The following APBB2 variants were observed in gnomAD, a reference collection of about 807,000 sequenced individuals.
APBB2 encodes Fe65-like 1.
Under a neutral mutation model 82.5 loss-of-function variants are expected in APBB2, and 38 were observed. That is an observed-to-expected ratio of 0.46 (90% CI 0.36 to 0.60). The LOEUF is 0.60. Among genes scored for constraint, APBB2 ranks in the 20% least tolerant of loss-of-function variants. The pLI is 0.00. For missense variants in APBB2, 772 were observed against 972.3 expected (o/e 0.79, Z 2.74); for synonymous variants, 341 against 368.2 (o/e 0.93, Z 0.85).
chr4:40,935,707 A>G (rs1785220500), intron 7 of APBB2: 1 of 152,266 alleles, frequency 6.6e-6, no homozygotes, highest in East Asian at 1.9e-4. Flanking sequence ...TTAACCTAAC[A>G]AAAAACAACT....
chr4:40,923,951 C>T (rs1240034066), intron 10 of APBB2, among the ~76,000 whole-genome samples: 47 of 152,190 alleles, frequency 3.1e-4, no homozygotes, highest in Non-Finnish European at 2.9e-5. Flanking sequence ...GTTTTAGAAA[C>T]ACAAAAGCTG....
At chr4:41,060,360 C>A (rs1018360056) in intron 4 of APBB2, among the ~76,000 whole-genome samples, 2 of 152,140 alleles carry the variant, frequency 1.3e-5, no homozygotes, top group Non-Finnish European at 2.9e-5. Context: ...CAATGCTGAG[C>A]TAAGTTTCTA....
intron 10 of APBB2, among the ~76,000 whole-genome samples, chr4:40,917,107 T>G (rs1418968342): frequency 1.3e-5 from 2 of 152,180 alleles, no homozygotes; most frequent in Non-Finnish European, 2.9e-5. Context: ...GTGGGACAAC[T>G]GGGACTGTCT....
chr4:40,831,585 G>C (rs1231231436), intron 12 of APBB2, among the ~76,000 whole-genome samples: 2 of 152,174 alleles, frequency 1.3e-5, no homozygotes, highest in Admixed American at 6.5e-5. Flanking sequence ...TAATGACACA[G>C]ACAGTGGCGC....
At chr4:41,194,089 G>C in intron 1 of APBB2, 1 of 150,860 alleles carries the variant, frequency 6.6e-6, no homozygotes, top group African/African-American at 2.5e-5. Flanking sequence ...CCCGAACTTT[G>C]AGCCCAATCT....
At chr4:41,000,538 G>A (rs930557879) in intron 6 of APBB2, among the ~76,000 whole-genome samples, 1 of 152,154 alleles carries the variant, frequency 6.6e-6, no homozygotes, top group Non-Finnish European at 1.5e-5. Context: ...CAGGATGTCT[G>A]ACCCTAAACC....
At chr4:40,858,632 A>T (rs1038765475) in intron 12 of APBB2, among the ~76,000 whole-genome samples, 6 of 152,178 alleles carry the variant, frequency 3.9e-5, no homozygotes, top group Non-Finnish European at 8.8e-5. Flanking sequence ...GGTAAAACAC[A>T]CCACAGGTGT....
chr4:41,123,583 G>A (rs1329368783), intron 2 of APBB2, among the ~76,000 whole-genome samples: 1 of 152,156 alleles, frequency 6.6e-6, no homozygotes, highest in Non-Finnish European at 1.5e-5. Flanking sequence ...TGTAATCCCA[G>A]CACTTTGGGA....
At chr4:40,959,879 C>T (rs1262523130) in intron 6 of APBB2, among the ~76,000 whole-genome samples, 2 of 152,130 alleles carry the variant, frequency 1.3e-5, no homozygotes, top group Non-Finnish European at 2.9e-5. Context: ...AATCTTGCCA[C>T]AGATGCAGAG....
At chr4:41,154,966 A>G (rs748701778) in intron 1 of APBB2, among the ~76,000 whole-genome samples, 5 of 152,192 alleles carry the variant, frequency 3.3e-5, no homozygotes, top group Admixed American at 6.5e-5. Flanking sequence ...TACGCAGCTG[A>G]CTGGCAGAGG....
chr4:41,040,930 G>C (rs1193853346), intron 4 of APBB2, among the ~76,000 whole-genome samples: 1 of 152,064 alleles, frequency 6.6e-6, no homozygotes, highest in Non-Finnish European at 1.5e-5. Flanking sequence ...GCCCAGGCTG[G>C]AGTGCAGTGT....
chr4:40,865,868 C>T (rs927786263), intron 12 of APBB2, among the ~76,000 whole-genome samples: 5 of 152,190 alleles, frequency 3.3e-5, no homozygotes, highest in African/African-American at 7.2e-5. Flanking sequence ...CCGATTAAAA[C>T]CACAATGAAT....
intron 6 of APBB2, among the ~76,000 whole-genome samples, chr4:40,983,012 G>A (rs1398714719): frequency 2.0e-5 from 3 of 152,136 alleles, no homozygotes; most frequent in African/African-American, 4.8e-5. Context: ...GCAGACATGG[G>A]GGACCCATTA....
In APBB2 at chr4:40,825,936, C is replaced by G. The variant is rs751837432; in HGVS notation, c.1767G>C (p.Gln589His). ...TGCCCAAGTACTGCACGTGGAACTT[C>G]TGGACCAGCTCAGTCTTTGGTGTTG... is the stretch of plus-strand genomic sequence containing the variant. ...DFPTPKTELV[Q>H]KFHVQYLGML... Residue 589 changes from glutamine (Q) to histidine (H), a missense_variant, in exon 15 of 18, where the codon CAG becomes CAC. Transcript: ENST00000508593. The G allele has an allele frequency of 6.2e-7, 1 of 1,614,090 alleles. No individual in the cohort carries two copies. The highest frequency in any genetic ancestry group is 8.5e-7 in the Non-Finnish European group (1 of 1,180,034).
chr4:40,927,196 C>T (rs1782829960), intron 10 of APBB2, among the ~76,000 whole-genome samples: 1 of 152,198 alleles, frequency 6.6e-6, no homozygotes, highest in Non-Finnish European at 1.5e-5. Context: ...ATCTTCCTTA[C>T]CCGTTTCCTT....
chr4:40,980,283 C>T lies in APBB2; in HGVS notation c.835+33300G>A, dbSNP rs537167442. ...AGGCAATCCACTCACCTTGGCCTCC[C>T]GAAGTGCTGGGATTACAGTCATGAG... On this transcript the variant is annotated intron_variant, in intron 6 of 17. Transcript: ENST00000508593. Among the ~76,000 whole-genome samples, 4 of 152,314 alleles carry T rather than the reference C, an allele frequency of 2.6e-5. No individual in the cohort carries two copies. The South Asian group carries it at 6.2e-4, about 24-fold the overall frequency.
intron 3 of APBB2, among the ~76,000 whole-genome samples, chr4:41,069,123 T>C (rs1732956711): frequency 6.6e-6 from 1 of 152,098 alleles, no homozygotes; most frequent in African/African-American, 2.4e-5. Flanking sequence ...GCTTCTTGAA[T>C]TGCTCCAATT....
At chr4:41,074,710 C>T (rs1402954567) in intron 3 of APBB2, among the ~76,000 whole-genome samples, 2 of 151,422 alleles carry the variant, frequency 1.3e-5, no homozygotes, top group South Asian at 2.1e-4. Context: ...CCCGGGTTCA[C>T]GCCATTCTCC....
intron 3 of APBB2, chr4:41,084,617 T>C (rs1263070597): frequency 6.6e-6 from 1 of 152,200 alleles, no homozygotes; most frequent in African/African-American, 2.4e-5. Context: ...TTGCTTGCTT[T>C]GACAGCACAT....
Sources: gnomAD v4.1 joint callset for allele counts (sites outside exome capture counted in the v4.1 genomes callset) on GRCh38, gnomAD v4.1.1 for gene constraint, MANE v1.5 for transcripts, NCBI Gene and HGNC (gene_info 2026-07-23, HGNC 2026-07-21) for gene names.